The following LRP1B variants were observed in gnomAD, a reference collection of about 807,000 sequenced individuals.
The protein encoded by LRP1B is LDL receptor related protein 1B.
In LRP1B, 217 loss-of-function variants were observed where a neutral mutation model predicts 556.6. The ratio of observed to expected loss-of-function variants is 0.39; its 90% CI spans 0.35 to 0.44. The LOEUF (loss-of-function observed/expected upper bound fraction) is 0.44. LRP1B is among the 20% of genes least tolerant of loss of function. The pLI, the probability that LRP1B is intolerant of heterozygous loss-of-function variation, is 1.00. For missense variants in LRP1B, 5,053 were observed against 5,620.8 expected (o/e 0.90, Z 3.23); for synonymous variants, 2,047 against 1,865.8 (o/e 1.10, Z -2.50).
Position 140,343,485 on chromosome 2 carries a change from C to T in LRP1B, c.11892+7312G>A, listed in dbSNP as rs138432229. Among the ~76,000 whole-genome samples the T allele has an allele frequency of 1.8e-4, 28 of 151,370 alleles. No homozygotes were observed. The East Asian group carries it at 3.3e-3, about 18-fold the overall frequency. On this transcript the variant is annotated intron_variant, in intron 77 of 90. Coordinates refer to ENST00000389484, the MANE Select transcript of LRP1B (RefSeq NM_018557.3). ...TTGCAATAACAAGACAAAAATCAAACGAATTATGTATCTCAAAATATAAAT... is the reference window on the plus strand; with the variant it reads ...TTGCAATAACAAGACAAAAATCAAATGAATTATGTATCTCAAAATATAAAT...
chr2:141,651,295 T>C lies in LRP1B; in HGVS notation c.205+158984A>G, dbSNP rs1329079198. Among the ~76,000 whole-genome samples, 8 of 152,274 alleles carry C rather than the reference T, an allele frequency of 5.3e-5. No homozygotes were observed. In the East Asian group the frequency reaches 1.5e-3, roughly 29 times the overall value. On this transcript the variant is annotated intron_variant, in intron 2 of 90. Transcript: ENST00000389484. Reference sequence around the variant, plus strand: ...AAGTCTGTAAACATGTAGCAAGGATTGCCAGACAAAATAACAGAACACTTA... The same window carrying C: ...AAGTCTGTAAACATGTAGCAAGGATCGCCAGACAAAATAACAGAACACTTA...
rs775618482 is a variant in LRP1B, at chr2:141,188,488, C to G, written c.946G>C (p.Val316Leu). 6.2e-7 allele frequency: 1 copy of G among 1,612,784 alleles called. No individual in the cohort carries two copies. The highest frequency in any genetic ancestry group is 8.5e-7 in the Non-Finnish European group (1 of 1,179,210). The change falls in exon 7 of 91, where the codon GTA becomes CTA. Residue 316 changes from valine to leucine, a missense_variant. Transcript: ENST00000389484. ...TCCAGATCAATCAGGGTGACACATA[C>G]AGAACCGTTGGAATTACAAACAAAG... ...RIFVCNSNGS[V>L]CVTLIDLELH... is the part of the protein sequence containing the mutation.
At chr2:140,805,784 A>G (rs1188409504) in intron 32 of LRP1B, among the ~76,000 whole-genome samples, 1 of 152,194 alleles carries the variant, frequency 6.6e-6, no homozygotes, top group Non-Finnish European at 1.5e-5. Context: ...CTTTTGCACC[A>G]ACATATAGAG....
intron 2 of LRP1B, among the ~76,000 whole-genome samples, chr2:141,684,634 C>T (rs1691229733): frequency 6.6e-6 from 1 of 151,932 alleles, no homozygotes; most frequent in Non-Finnish European, 1.5e-5. Context: ...AGCGAGAACT[C>T]TGTGAAGAGA....
At chr2:140,341,997 T>C (rs1329901484) in intron 77 of LRP1B, among the ~76,000 whole-genome samples, 2 of 151,334 alleles carry the variant, frequency 1.3e-5, no homozygotes, top group African/African-American at 4.8e-5. Flanking sequence ...GGACAAAATA[T>C]GGAATCTAAA....
intron 2 of LRP1B, among the ~76,000 whole-genome samples, chr2:141,625,536 T>C (rs1688675657): frequency 6.6e-6 from 1 of 152,224 alleles, no homozygotes; most frequent in African/African-American, 2.4e-5. Context: ...CTTTTATTTG[T>C]TACTGAAAGA....
At chr2:140,536,548 T>A (rs1424438681) in intron 46 of LRP1B, 33 bp downstream of exon 46, 1 of 1,583,088 alleles carries the variant, frequency 6.3e-7, no homozygotes, top group African/African-American at 1.4e-5. Context: ...GAAAACTTTA[T>A]CTGAAACGAG....
chr2:142,112,676 C>A (rs1166985905), intron 1 of LRP1B, among the ~76,000 whole-genome samples: 2 of 151,972 alleles, frequency 1.3e-5, no homozygotes, highest in African/African-American at 2.4e-5. Context: ...TTCTAGATGG[C>A]GTTCTCTAAT....
chr2:141,062,361 T>G (rs1699359759), intron 7 of LRP1B, 88 bp from the exon 8 acceptor site: 9 of 761,234 alleles, frequency 1.2e-5, no homozygotes, highest in Non-Finnish European at 1.9e-5. Flanking sequence ...GAACTTTTTC[T>G]TCTAATTTAT....
chr2:141,566,064 T>A (rs1264733268), intron 2 of LRP1B, among the ~76,000 whole-genome samples: 1 of 151,782 alleles, frequency 6.6e-6, no homozygotes, highest in Non-Finnish European at 1.5e-5. Context: ...TGGCTGCAAA[T>A]CACCTTCCAC....
chr2:141,642,009 C>CAAA (rs1689355937), intron 2 of LRP1B, among the ~76,000 whole-genome samples: 3 of 149,292 alleles, frequency 2.0e-5, no homozygotes, highest in Admixed American at 1.3e-4. Flanking sequence ...ACAAACAAAA[C>CAAA]CCCCCCCCAA....
chr2:140,606,537 G>C (rs1682873879), intron 41 of LRP1B, among the ~76,000 whole-genome samples: 1 of 151,652 alleles, frequency 6.6e-6, no homozygotes, highest in Non-Finnish European at 1.5e-5. Flanking sequence ...GAAATACAAG[G>C]GACCCAGAAA....
intron 43 of LRP1B, among the ~76,000 whole-genome samples, chr2:140,550,162 A>T (rs996512789): frequency 1.3e-5 from 2 of 152,086 alleles, no homozygotes; most frequent in Non-Finnish European, 2.9e-5. Flanking sequence ...GCTGCACTCA[A>T]GACTTTTAAA....
At chr2:140,417,371 A>G (rs1348758388) in intron 66 of LRP1B, among the ~76,000 whole-genome samples, 3 of 152,206 alleles carry the variant, frequency 2.0e-5, no homozygotes, top group Non-Finnish European at 4.4e-5. Context: ...TTTTGACTAA[A>G]ACCATAACAA....
chr2:141,467,837 ACCG>A (rs1559087145), intron 3 of LRP1B, among the ~76,000 whole-genome samples: 1 of 22,786 alleles, frequency 4.4e-5, no homozygotes, highest in Non-Finnish European at 9.4e-5. Flanking sequence ...TTGTTTGCGG[ACCG>A]GGGGGGGGGG....
At chr2:140,576,914 G>A (rs933585562) in intron 43 of LRP1B, among the ~76,000 whole-genome samples, 1 of 151,980 alleles carries the variant, frequency 6.6e-6, no homozygotes, top group Non-Finnish European at 1.5e-5. Context: ...TAGTCTAGAT[G>A]TTCTCCTGAG....
At chr2:141,682,051 G>GGTT (rs1691123954) in intron 2 of LRP1B, among the ~76,000 whole-genome samples, 1 of 151,996 alleles carries the variant, frequency 6.6e-6, no homozygotes, top group African/African-American at 2.4e-5. Context: ...GAATTTCGAA[G>GGTT]CAAAAGTGAA....
chr2:142,034,962 G>T (rs1174876643), intron 1 of LRP1B, among the ~76,000 whole-genome samples: 1 of 151,600 alleles, frequency 6.6e-6, no homozygotes, highest in African/African-American at 2.4e-5. Context: ...ATGAATATTT[G>T]ATATTTCTAT....
chr2:141,364,877 A>T (rs945044680), intron 3 of LRP1B, among the ~76,000 whole-genome samples: 15 of 152,238 alleles, frequency 9.9e-5, no homozygotes, highest in Non-Finnish European at 1.6e-4. Context: ...GAGTATAAAA[A>T]TAAAAATGAA....
Sources: allele counts gnomAD v4.1 joint callset (sites outside exome capture counted in the v4.1 genomes callset), GRCh38; gene constraint gnomAD v4.1.1; transcripts MANE v1.5; gene names NCBI Gene and HGNC (gene_info 2026-07-23, HGNC 2026-07-21).